The following DMXL1 variants were observed in gnomAD, a reference collection of about 807,000 sequenced individuals.
The protein encoded by DMXL1 is Dmx like 1, also known as dmX-like protein 1.
In DMXL1, 99 loss-of-function variants were observed where a neutral mutation model predicts 319.2. The observed-to-expected ratio is 0.31, with a 90% CI of 0.26 to 0.37. The LOEUF (loss-of-function observed/expected upper bound fraction) is 0.37. DMXL1 is among the 10% of genes least tolerant of loss of function. The pLI is 1.00. For synonymous variants in DMXL1, 1,385 were observed against 1,235.2 expected (o/e 1.12, Z -2.54); for missense variants, 3,745 against 3,595.6 (o/e 1.04, Z -1.06).
At chr5:119,089,430 C>T (rs1484516462) in intron 1 of DMXL1, among the ~76,000 whole-genome samples, 4 of 147,524 alleles carry the variant, frequency 2.7e-5, no homozygotes, top group Admixed American at 6.8e-5. Context: ...CTCAGCCTCC[C>T]GAGTAGCTGG....
chr5:119,210,492 T>G (rs1335965745), intron 34 of DMXL1, among the ~76,000 whole-genome samples: 3 of 152,176 alleles, frequency 2.0e-5, no homozygotes, highest in Non-Finnish European at 2.9e-5. Context: ...CTGTTGTTGT[T>G]TTTGCATCTG....
rs757007721 is a variant in DMXL1 at position 119,116,140 on chromosome 5, TG to T, written c.565-17del. 1.5e-5 allele frequency: 23 copies of T among 1,563,822 alleles called. No homozygotes were observed. The highest frequency in any genetic ancestry group is 1.9e-5 in the Non-Finnish European group (22 of 1,155,640). On this transcript the variant is annotated splice_polypyrimidine_tract_variant and intron_variant, in intron 6 of 43. Coordinates refer to ENST00000539542, the MANE Select transcript of DMXL1 (RefSeq NM_001290321.3). ...TTCTGATCTCCATGATTTTCTGTTT[TG>T]TTTTTTTTTTCCTTAGGATGACTGT...
intron 1 of DMXL1, among the ~76,000 whole-genome samples, chr5:119,088,734 GCT>G (rs1753919390): frequency 6.6e-6 from 1 of 152,072 alleles, no homozygotes; most frequent in Non-Finnish European, 1.5e-5. Flanking sequence ...AGGTATGACA[GCT>G]TATATCTCAA....
At chr5:119,219,171 C>T (rs1242995383) in intron 35 of DMXL1, among the ~76,000 whole-genome samples, 1 of 152,094 alleles carries the variant, frequency 6.6e-6, no homozygotes, top group Non-Finnish European at 1.5e-5. Context: ...GGGAAGAGGG[C>T]CAGATGATAC....
In DMXL1 at chr5:119,182,362, GA is replaced by G. The variant is rs148412956; in HGVS notation, c.7135+4121del. On this transcript the variant is annotated intron_variant, in intron 28 of 43. Transcript: ENST00000539542. ...ATTGAAGATGAAATACGTGCATATT[GA>G]AATACATTGTATATTGAAGATGAAA... 6.1e-4 allele frequency among the ~76,000 whole-genome samples: 93 copies of G among 152,200 alleles called. 2 individuals carry two copies. In the East Asian group the frequency reaches 0.015, roughly 25 times the overall value.
rs1409027594 is a variant in DMXL1 at position 119,248,314 on chromosome 5, C to T, written c.*1095C>T. 1 of 152,252 alleles carries T rather than the reference C, an allele frequency of 6.6e-6. No individual in the cohort carries two copies. The highest frequency in any genetic ancestry group is 2.1e-4 in the South Asian group (1 of 4,822). 9.4% of individuals were successfully genotyped at this position (152,252 alleles called of 1,614,324 possible). ...TACCATTAATAGAAAATAAACTAAACCTTATATTTTATTTTTGCCAAAATA... is the reference window on the plus strand; with the variant it reads ...TACCATTAATAGAAAATAAACTAAATCTTATATTTTATTTTTGCCAAAATA... On this transcript the variant is annotated 3_prime_UTR_variant, in exon 44 of 44. Coordinates refer to ENST00000539542, the MANE Select transcript of DMXL1 (RefSeq NM_001290321.3).
At chr5:119,208,444 C>T (rs560697265) in intron 34 of DMXL1, among the ~76,000 whole-genome samples, 5 of 152,170 alleles carry the variant, frequency 3.3e-5, no homozygotes, top group Admixed American at 6.6e-5. Flanking sequence ...GAACTCCCAA[C>T]GTCAGGTGAT....
At chr5:119,143,819 T>A (rs768166837) in intron 13 of DMXL1, 22 bp from the exon 14 acceptor site, 2 of 1,493,692 alleles carry the variant, frequency 1.3e-6, no homozygotes, top group South Asian at 2.6e-5. Flanking sequence ...TAGTAAATTA[T>A]AAATTTTTTT....
At chr5:119,207,613 G>A (rs1220261906) in intron 34 of DMXL1, among the ~76,000 whole-genome samples, 1 of 152,132 alleles carries the variant, frequency 6.6e-6, no homozygotes, top group African/African-American at 2.4e-5. Context: ...CTGCCCCCCA[G>A]GTTCAAGCGA....
chr5:119,121,951 G>A (rs1339564502), intron 9 of DMXL1, among the ~76,000 whole-genome samples: 7 of 148,236 alleles, frequency 4.7e-5, no homozygotes, highest in South Asian at 2.2e-4. Flanking sequence ...GCGGCTGGCC[G>A]GGCAGAGTGG....
At chr5:119,110,504 C>G (rs1021615426) in intron 5 of DMXL1, among the ~76,000 whole-genome samples, 10 of 152,144 alleles carry the variant, frequency 6.6e-5, no homozygotes, top group African/African-American at 2.4e-4. Flanking sequence ...ATGTGTAAGG[C>G]TTACATGAAG....
Position 119,129,340 on chromosome 5 carries a change from A to G in DMXL1, c.1232A>G (p.Gln411Arg). 1.9e-6 allele frequency: 3 copies of G among 1,613,962 alleles called. No homozygotes were observed. The highest frequency in any genetic ancestry group is 2.5e-6 in the Non-Finnish European group (3 of 1,179,918). ...HFTLSMEVFL[Q>R]QLRKSFEQPS... is the part of the protein sequence containing the mutation. ...ACTTTGTCCATGGAAGTTTTTTTAC[A>G]GCAACTTAGAAAAAGTTTTGAACAA... is the stretch of plus-strand genomic sequence containing the variant. The change falls in exon 10 of 44, where the codon CAG (glutamine) becomes CGG (arginine). Residue 411 changes from glutamine (Q) to arginine (R), a missense_variant. Around this residue, in one of 4 missense-constraint regions of DMXL1, gnomAD observed 2,096 missense variants for 1,985.4 expected, o/e 1.06. Coordinates refer to ENST00000539542, the MANE Select transcript of DMXL1 (RefSeq NM_001290321.3).
At chr5:119,109,800 A>T (rs527433222) in intron 4 of DMXL1, among the ~76,000 whole-genome samples, 120 of 152,084 alleles carry the variant, frequency 7.9e-4, no homozygotes, top group Non-Finnish European at 1.5e-3. Flanking sequence ...CATTTCTATC[A>T]TGTATGTAAC....
chr5:119,190,672 A>C (rs1382096956), intron 29 of DMXL1, among the ~76,000 whole-genome samples: 1 of 152,224 alleles, frequency 6.6e-6, no homozygotes, highest in Non-Finnish European at 1.5e-5. Context: ...TTAGAGAGAA[A>C]ATAGCCAACT....
chr5:119,191,147 A>G (rs143346572), intron 29 of DMXL1, among the ~76,000 whole-genome samples: 2 of 152,260 alleles, frequency 1.3e-5, no homozygotes, highest in Non-Finnish European at 2.9e-5. Flanking sequence ...AACTTTTCCC[A>G]TTGATTATTA....
chr5:119,095,777 C>A (rs1755810677), intron 1 of DMXL1, among the ~76,000 whole-genome samples: 1 of 152,162 alleles, frequency 6.6e-6, no homozygotes, highest in South Asian at 2.1e-4. Context: ...TGCTAATGGT[C>A]TTATGACAAG....
rs371819839 is a variant in DMXL1, at chr5:119,098,000, A to G, written c.109A>G (p.Ile37Val). 1.9e-6 allele frequency: 3 copies of G among 1,604,910 alleles called. No individual in the cohort carries two copies. The highest frequency in any genetic ancestry group is 2.7e-5 in the African/African-American group (2 of 74,332). The change falls in exon 2 of 44, where the codon ATT (isoleucine) becomes GTT (valine). Residue 37 changes from isoleucine to valine, a missense_variant. Coordinates refer to ENST00000539542, the MANE Select transcript of DMXL1 (RefSeq NM_001290321.3). ...TTAGGCTTATGCATCTGGATGTGAC[A>G]TTGTAATACTGGGAAGCGATTTTGA... Reference protein sequence around the residue: ...RFTAYASGCDIVILGSDFERL... With the variant: ...RFTAYASGCDVVILGSDFERL...
chr5:119,146,670 A>G (rs1014348042), intron 15 of DMXL1, among the ~76,000 whole-genome samples, 167 bp from the exon 16 acceptor site: 1 of 152,104 alleles, frequency 6.6e-6, no homozygotes, highest in African/African-American at 2.4e-5. Flanking sequence ...ATACAAATTC[A>G]TGTGGTAAAG....
intron 37 of DMXL1, among the ~76,000 whole-genome samples, chr5:119,221,357 G>C (rs550021987): frequency 6.6e-6 from 1 of 152,162 alleles, no homozygotes; most frequent in Admixed American, 6.5e-5. Flanking sequence ...GCTTCAGCAA[G>C]GTGTTCCCCA....
Sources: allele counts gnomAD v4.1 joint callset (sites outside exome capture counted in the v4.1 genomes callset), GRCh38; gene constraint gnomAD v4.1.1; regional missense constraint gnomAD v4.1.1; transcripts MANE v1.5; gene names NCBI Gene and HGNC (gene_info 2026-07-23, HGNC 2026-07-21).